The following PDILT variants were observed in gnomAD, a reference collection of about 807,000 sequenced individuals.
PDILT encodes protein disulfide isomerase like, testis expressed.
Under a neutral mutation model 53.7 loss-of-function variants are expected in PDILT, and 43 were observed. That is an observed-to-expected ratio of 0.80 (90% confidence interval 0.63 to 1.03). The LOEUF (loss-of-function observed/expected upper bound fraction) is 1.03, where lower values mean the gene tolerates loss of function less well. Among genes scored for constraint, PDILT ranks in the 50% least tolerant of loss-of-function variants. The pLI, the probability that PDILT is intolerant of heterozygous loss-of-function variation, is 0.00. For missense variants in PDILT, 727 were observed against 712.3 expected, an observed-to-expected ratio of 1.02 and a Z score of -0.24; for synonymous variants, 282 against 274.2, an observed-to-expected ratio of 1.03 and a Z score of -0.28.
At chr16:20,391,959 A>G (rs189519894) in intron 2 of PDILT, among the ~76,000 whole-genome samples, 115 of 151,572 alleles carry the variant, frequency 7.6e-4, no homozygotes, top group Non-Finnish European at 1.3e-3. Flanking sequence ...CAAGCAGAAG[A>G]CCTTAGCTAC....
intron 3 of PDILT, among the ~76,000 whole-genome samples, chr16:20,382,410 G>A (rs1214921823): frequency 2.6e-5 from 4 of 152,206 alleles, no homozygotes; most frequent in Non-Finnish European, 5.9e-5. Context: ...ATTCCCATTT[G>A]TTAACACGTG....
chr16:20,363,343 T>C (rs1966135529), intron 9 of PDILT, among the ~76,000 whole-genome samples: 1 of 152,212 alleles, frequency 6.6e-6, no homozygotes, highest in Non-Finnish European at 1.5e-5. Flanking sequence ...GCTTGCTTTT[T>C]TTCTTTTTTT....
At chr16:20,384,935 C>G in intron 2 of PDILT, 84 bp from the exon 3 acceptor site, 1 of 1,326,362 alleles carries the variant, frequency 7.5e-7, no homozygotes. Context: ...GCCTGCTTAG[C>G]TCCCGGAACC....
At chr16:20,382,157 C>G (rs942147285) in intron 3 of PDILT, among the ~76,000 whole-genome samples, 2 of 152,110 alleles carry the variant, frequency 1.3e-5, no homozygotes, top group Non-Finnish European at 2.9e-5. Flanking sequence ...TATCAGCCTC[C>G]CAGAGTGTTG....
rs765695147 is a variant in PDILT, at chr16:20,369,624, G to A, written c.984C>T (p.Val328=). 6.2e-6 allele frequency: 10 copies of A among 1,614,194 alleles called. No homozygotes were observed. Among genetic ancestry groups the A allele is most frequent in the Non-Finnish European group, 8.5e-6 (10 of 1,180,030 alleles). Residue 328 remains valine, a synonymous_variant, in exon 8 of 12, where the codon GTC becomes GTT. Coordinates refer to ENST00000302451, the MANE Select transcript of PDILT (RefSeq NM_174924.2). The part of the protein sequence containing the change: ...RNGRVFKYFR[V]TEVDIPSVQI... ...GGACGGATGGGATATCGACCTCTGTGACCCGGAAGTACTTGAAGACACGTC... is the reference window on the plus strand; with the variant it reads ...GGACGGATGGGATATCGACCTCTGTAACCCGGAAGTACTTGAAGACACGTC...
rs56246140 is a variant in PDILT, at chr16:20,395,488, G to A, written c.202+3611C>T. Among the ~76,000 whole-genome samples the A allele has an allele frequency of 1.5e-3, 232 of 152,350 alleles. 2 individuals carry two copies. Among genetic ancestry groups the A allele is most frequent in the African/African-American group, 5.4e-3 (223 of 41,586 alleles). ...GTTTTAATGTGTCAAGGATGAGGGA[G>A]TCAGAAAATAGAAGAAGCCTTGTCC... On this transcript the variant is annotated intron_variant, in intron 2 of 11. Transcript: ENST00000302451.
At chr16:20,386,964 G>A (rs1966547328) in intron 2 of PDILT, among the ~76,000 whole-genome samples, 2 of 152,022 alleles carry the variant, frequency 1.3e-5, no homozygotes, top group Non-Finnish European at 2.9e-5. Context: ...TGTCTGAAAT[G>A]GAAGTGACAG....
At chr16:20,378,811 C>T (rs1966421492) in intron 3 of PDILT, among the ~76,000 whole-genome samples, 2 of 152,150 alleles carry the variant, frequency 1.3e-5, no homozygotes, top group Non-Finnish European at 2.9e-5. Context: ...TTGTAGTATT[C>T]CATTGCCACC....
At chr16:20,400,064 A>ATG (rs1966715118) in intron 1 of PDILT, among the ~76,000 whole-genome samples, 1 of 124,506 alleles carries the variant, frequency 8.0e-6, no homozygotes, top group African/African-American at 3.1e-5. Context: ...CTATATATAT[A>ATG]TATATATATT....
At chr16:20,368,671 A>T (rs1966255344) in intron 8 of PDILT, among the ~76,000 whole-genome samples, 1 of 151,968 alleles carries the variant, frequency 6.6e-6, no homozygotes, top group African/African-American at 2.4e-5. Context: ...ATCGTAGCTC[A>T]CTGTAGCCTT....
At chr16:20,403,447 G>A (rs1455726765) in intron 1 of PDILT, among the ~76,000 whole-genome samples, 1 of 152,048 alleles carries the variant, frequency 6.6e-6, no homozygotes, top group Non-Finnish European at 1.5e-5. Context: ...CCGCCACCAT[G>A]CCCGGCTAAT....
chr16:20,389,199 C>T (rs1966576928), intron 2 of PDILT, among the ~76,000 whole-genome samples: 1 of 152,038 alleles, frequency 6.6e-6, no homozygotes, highest in Non-Finnish European at 1.5e-5. Context: ...ACTAGATGCT[C>T]AATGAATGTG....
At chr16:20,373,446 C>T (rs1466256125) in intron 5 of PDILT, among the ~76,000 whole-genome samples, 1 of 152,168 alleles carries the variant, frequency 6.6e-6, no homozygotes, top group African/African-American at 2.4e-5. Context: ...AGAAATTTCT[C>T]ACATACTGCT....
rs369519877 is a variant in PDILT at position 20,360,686 on chromosome 16, T to C, written c.1417-29A>G. ...GGATGAAAATGGAACAGGGTCAGGATGGGATCCTCTTCCCGCAGAGATGCT... is the reference window on the plus strand; with the variant it reads ...GGATGAAAATGGAACAGGGTCAGGACGGGATCCTCTTCCCGCAGAGATGCT... On this transcript the variant is annotated intron_variant, in intron 10 of 11. Transcript: ENST00000302451. The C allele has an allele frequency of 9.3e-6, 14 of 1,509,282 alleles. No homozygotes were observed. In the East Asian group the frequency reaches 1.4e-4, roughly 15 times the overall value. 93.5% of individuals were successfully genotyped at this position (1,509,282 alleles called of 1,614,324 possible).
chr16:20,374,980 G>C, intron 4 of PDILT, 21 bp from the exon 5 acceptor site: 1 of 1,593,410 alleles, frequency 6.3e-7, no homozygotes, highest in Non-Finnish European at 8.6e-7. Context: ...AAGGATGTTT[G>C]GAAAGGCTTT....
intron 7 of PDILT, among the ~76,000 whole-genome samples, chr16:20,370,371 A>G (rs1966286728): frequency 6.6e-6 from 1 of 152,208 alleles, no homozygotes; most frequent in Non-Finnish European, 1.5e-5. Flanking sequence ...TGTGATAGAG[A>G]GTAACTGCCC....
Position 20,362,582 on chromosome 16 carries a change from T to C in PDILT, c.1238A>G (p.Tyr413Cys). 1.9e-6 allele frequency: 3 copies of C among 1,614,044 alleles called. No individual in the cohort carries two copies. Among genetic ancestry groups the C allele is most frequent in the Non-Finnish European group, 2.5e-6 (3 of 1,179,958 alleles). ...CTTGCACTTTTTAGACCAGGGTGCA[T>C]CTGGAAGAGAAGGTCCATGGCTCAG... ...DKEKDVFVMF[Y>C]APWSKKCKML... The change falls in exon 10 of 12, where the codon TAT (tyrosine) becomes TGT (cysteine). Residue 413 changes from tyrosine to cysteine, a missense_variant and splice_region_variant. By Grantham distance (194) the Tyr-to-Cys change is radical. Transcript: ENST00000302451.
chr16:20,381,143 A>G (rs960794468), intron 3 of PDILT, among the ~76,000 whole-genome samples: 6 of 152,250 alleles, frequency 3.9e-5, no homozygotes, highest in African/African-American at 1.4e-4. Flanking sequence ...GGCCATGGCC[A>G]AGTCTCCTGC....
intron 5 of PDILT, 101 bp downstream of exon 5, chr16:20,374,721 T>C (rs983748412): frequency 4.5e-5 from 61 of 1,353,716 alleles, no homozygotes; most frequent in Non-Finnish European, 6.2e-5. Context: ...CCAATGCCAC[T>C]GAGTTCACAA....
Sources: allele counts gnomAD v4.1 joint callset (sites outside exome capture counted in the v4.1 genomes callset), GRCh38; gene constraint gnomAD v4.1.1; transcripts MANE v1.5; gene names NCBI Gene and HGNC (gene_info 2026-07-23, HGNC 2026-07-21).